The following DNA2 variants were observed in gnomAD, a reference collection of about 807,000 sequenced individuals.
DNA2 encodes DNA replication ATP-dependent helicase/nuclease DNA2.
Under a neutral mutation model 119.1 loss-of-function variants are expected in DNA2, and 101 were observed. The observed-to-expected ratio is 0.85, with a 90% confidence interval of 0.72 to 1.00. The LOEUF is 1.00. Among genes scored for constraint, DNA2 ranks in the 50% least tolerant of loss-of-function variants. DNA2 has a pLI of 0.00. For missense variants in DNA2, 1,121 were observed against 1,255.5 expected, an observed-to-expected ratio of 0.89 and a Z score of 1.62; for synonymous variants, 366 against 424.4, an observed-to-expected ratio of 0.86 and a Z score of 1.69.
At chr10:68,463,402 C>T (rs1344882637) in intron 4 of DNA2, among the ~76,000 whole-genome samples, 1 of 137,906 alleles carries the variant, frequency 7.3e-6, no homozygotes, top group Non-Finnish European at 1.5e-5. Flanking sequence ...CGAGATTGTG[C>T]CACTGCACTC....
intron 9 of DNA2, among the ~76,000 whole-genome samples, chr10:68,438,104 C>T (rs1248373423): frequency 6.6e-6 from 1 of 152,128 alleles, no homozygotes; most frequent in Admixed American, 6.6e-5. Flanking sequence ...GCTGGGATCT[C>T]CAAAAATGGT....
chr10:68,443,191 G>T, intron 8 of DNA2, 80 bp from the exon 9 acceptor site: 1 of 1,192,516 alleles, frequency 8.4e-7, no homozygotes, highest in Non-Finnish European at 1.2e-6. Context: ...TCCAAAATAA[G>T]AACACATATA....
chr10:68,449,550 G>A (rs1252155802), intron 6 of DNA2, among the ~76,000 whole-genome samples: 1 of 152,110 alleles, frequency 6.6e-6, no homozygotes, highest in Non-Finnish European at 1.5e-5. Context: ...GCCGAGGTGG[G>A]AGTATCAGGT....
chr10:68,454,053 C>T (rs371754859), intron 5 of DNA2, among the ~76,000 whole-genome samples: 4 of 152,138 alleles, frequency 2.6e-5, no homozygotes, highest in Non-Finnish European at 4.4e-5. Context: ...CCTTGCTGAC[C>T]TATCCTAAGC....
intron 4 of DNA2, among the ~76,000 whole-genome samples, chr10:68,464,973 C>G (rs902022273): frequency 6.7e-6 from 1 of 150,088 alleles, no homozygotes; most frequent in Non-Finnish European, 1.5e-5. Context: ...GACAACATAG[C>G]AAGACCCCTA....
At chr10:68,457,737 G>GAAA (rs74318507) in intron 5 of DNA2, among the ~76,000 whole-genome samples, 3 of 96,710 alleles carry the variant, frequency 3.1e-5, no homozygotes, top group Non-Finnish European at 6.5e-5. Flanking sequence ...GCCACTTTGA[G>GAAA]AAAAAAAAAA....
rs918208552 is a variant in DNA2, at chr10:68,431,565, G to A, written c.1983+297C>T. On this transcript the variant is annotated intron_variant, in intron 13 of 20. Transcript: ENST00000358410. ...CTCCTAAAGTGCTGGGATTACAGGC[G>A]TAAGCCACAACGCCCGGCCTCTAAC... 5.3e-5 allele frequency among the ~76,000 whole-genome samples: 8 copies of A among 152,148 alleles called. No individual in the cohort carries two copies. The East Asian group carries it at 5.8e-4, about 11-fold the overall frequency.
intron 6 of DNA2, among the ~76,000 whole-genome samples, chr10:68,449,384 C>T (rs1326317123): frequency 3.9e-5 from 6 of 152,182 alleles, no homozygotes; most frequent in Non-Finnish European, 8.8e-5. Context: ...CCACTTCCAA[C>T]ATCTACAGAA....
In DNA2 at chr10:68,422,227, T is replaced by C. The variant is rs2051674822; in HGVS notation, c.2695A>G (p.Lys899Glu). 6.4e-7 allele frequency: 1 copy of C among 1,569,064 alleles called. No individual in the cohort carries two copies. The highest frequency in any genetic ancestry group is 1.4e-5 in the African/African-American group (1 of 72,738). The change falls in exon 17 of 21, where the codon AAG becomes GAG. Residue 899 changes from lysine to glutamate, a missense_variant and splice_region_variant. Coordinates refer to ENST00000358410, the MANE Select transcript of DNA2 (RefSeq NM_001080449.3). ...TAAACAGAAATTTTTTTTTTTACCT[T>C]GTCTGTATTAAGGAAACAAACAGGA... ...NNPVCFLNTD[K>E]VPAPEQVEKG...
At chr10:68,421,305 C>A (rs1025615689) in intron 17 of DNA2, among the ~76,000 whole-genome samples, 1 of 151,964 alleles carries the variant, frequency 6.6e-6, no homozygotes, top group Non-Finnish European at 1.5e-5. Context: ...ATTTGTAAAC[C>A]CAGCCCTTTG....
intron 4 of DNA2, among the ~76,000 whole-genome samples, chr10:68,459,619 T>C (rs1336669340): frequency 6.6e-6 from 1 of 152,134 alleles, no homozygotes; most frequent in African/African-American, 2.4e-5. Context: ...GGGAGCGTTA[T>C]TGTTTCAAGG....
At position 68,419,164 on chromosome 10, in the gene DNA2, T is replaced by A; in HGVS notation, c.2837A>T (p.Gln946Leu). 1 of 1,613,286 alleles carries A rather than the reference T, an allele frequency of 6.2e-7. No individual in the cohort carries two copies. The highest frequency in any genetic ancestry group is 8.5e-7 in the Non-Finnish European group (1 of 1,179,684). Reference sequence around the variant, plus strand: ...CAATAAATCATTGATGATCTTTAATTGCTGCCTGTACGGTGCAATAATACC... The same window carrying A: ...CAATAAATCATTGATGATCTTTAATAGCTGCCTGTACGGTGCAATAATACC... Reference protein sequence around the residue: ...DIGIIAPYRQQLKIINDLLAR... With the variant: ...DIGIIAPYRQLLKIINDLLAR... The change falls in exon 19 of 21, where the codon CAA becomes CTA. Residue 946 changes from glutamine to leucine, a missense_variant. By Grantham distance (113) the Gln-to-Leu change is moderately radical. Coordinates refer to ENST00000358410, the MANE Select transcript of DNA2 (RefSeq NM_001080449.3).
intron 14 of DNA2, among the ~76,000 whole-genome samples, chr10:68,426,198 A>T (rs1413551619): frequency 6.6e-6 from 1 of 151,876 alleles, no homozygotes; most frequent in Non-Finnish European, 1.5e-5. Context: ...CCAAAAGTAT[A>T]ATCTATAAAA....
chr10:68,444,898 T>C (rs2052017782), intron 8 of DNA2, 23 bp downstream of exon 8: 2 of 1,599,270 alleles, frequency 1.3e-6, no homozygotes, highest in Non-Finnish European at 1.7e-6. Flanking sequence ...CTAGAAATAA[T>C]GCCTTTGGTA....
intron 13 of DNA2, 59 bp downstream of exon 13, chr10:68,431,803 G>T: frequency 8.5e-7 from 1 of 1,171,382 alleles, no homozygotes; most frequent in Admixed American, 2.0e-5. Context: ...TACATCCTCT[G>T]AACTGAGGAG....
intron 10 of DNA2, among the ~76,000 whole-genome samples, chr10:68,432,998 T>A (rs1236519745): frequency 6.6e-6 from 1 of 151,972 alleles, no homozygotes; most frequent in African/African-American, 2.4e-5. Flanking sequence ...AATTCCAAAT[T>A]CCATCTTTAG....
chr10:68,470,021 A>T lies in DNA2; in HGVS notation c.217T>A (p.Ser73Thr), dbSNP rs371059794. 1.2e-6 allele frequency: 2 copies of T among 1,610,420 alleles called. No homozygotes were observed. The highest frequency in any genetic ancestry group is 2.7e-5 in the African/African-American group (2 of 74,660). Residue 73 changes from serine to threonine, a missense_variant, in exon 2 of 21, where the codon TCA (serine) becomes ACA (threonine). Coordinates refer to ENST00000358410, the MANE Select transcript of DNA2 (RefSeq NM_001080449.3). ...ATGCATAGTTCTTTATTTTCTAGTG[A>T]CTGTGAAGCAGTGATGACCAGGCGC... is the stretch of plus-strand genomic sequence containing the variant. ...EKRLVITASQ[S>T]LENKELCILR... is the part of the protein sequence containing the mutation.
At chr10:68,428,213 G>A (rs887206343) in intron 14 of DNA2, among the ~76,000 whole-genome samples, 4 of 151,948 alleles carry the variant, frequency 2.6e-5, no homozygotes, top group Admixed American at 1.3e-4. Context: ...TGTAGTCCCA[G>A]CTACTCGGGA....
At chr10:68,458,139 CT>C (rs1253658168) in intron 5 of DNA2, among the ~76,000 whole-genome samples, 1 of 151,606 alleles carries the variant, frequency 6.6e-6, no homozygotes, top group African/African-American at 2.4e-5. Context: ...CACCATTGCA[CT>C]CCAGCCTGGG....
Sources: allele counts gnomAD v4.1 joint callset (sites outside exome capture counted in the v4.1 genomes callset), GRCh38; gene constraint gnomAD v4.1.1; transcripts MANE v1.5; gene names NCBI Gene and HGNC (gene_info 2026-07-23, HGNC 2026-07-21).